PDE4B: variants seen among roughly 807,000 people sequenced by gnomAD.
PDE4B encodes the protein phosphodiesterase 4B, also known as 3',5'-cyclic-AMP phosphodiesterase 4B.
Under a neutral mutation model 82.2 loss-of-function variants are expected in PDE4B, and 20 were observed. That is an observed-to-expected ratio of 0.24 (90% CI 0.17 to 0.35). The LOEUF is 0.35. Ranked by LOEUF, PDE4B falls within the 10% of genes least tolerant of loss-of-function variation. PDE4B has a pLI of 1.00. For missense variants in PDE4B, 655 were observed against 907.2 expected (o/e 0.72, Z 3.57); for synonymous variants, 320 against 318.9 (o/e 1.00, Z -0.04).
rs61568266 is a variant in PDE4B at position 66,132,921 on chromosome 1, G to A, written c.282-114539G>A. On this transcript the variant is annotated intron_variant, in intron 3 of 16. Coordinates refer to ENST00000341517, the MANE Select transcript of PDE4B (RefSeq NM_002600.4). The stretch of plus-strand genomic sequence containing the variant: ...TTTAACAGGCTTTTTAGGACTAGGG[G>A]ACTCAGATAGAGCTCAGCAGTGGCA... Among the ~76,000 whole-genome samples the A allele has an allele frequency of 3.3e-3, 495 of 152,276 alleles. 1 individual carries two copies. The highest frequency in any genetic ancestry group is 0.012 in the African/African-American group (480 of 41,566).
At chr1:65,984,835 A>G (rs17128177) in intron 3 of PDE4B, among the ~76,000 whole-genome samples, 2,829 of 152,200 alleles carry the variant, frequency 0.019, 87 homozygotes, top group African/African-American at 0.065. Context: ...TTACATATCA[A>G]ATGTCTCAAG....
At chr1:65,916,463 G>A (rs1038817403) in intron 2 of PDE4B, among the ~76,000 whole-genome samples, 2 of 151,992 alleles carry the variant, frequency 1.3e-5, no homozygotes, top group African/African-American at 4.8e-5. Context: ...GGTGGTTGGC[G>A]GTTTAGCTAC....
intron 3 of PDE4B, among the ~76,000 whole-genome samples, chr1:66,014,822 AC>A (rs1205305779): frequency 1.3e-5 from 2 of 152,130 alleles, no homozygotes; most frequent in African/African-American, 4.8e-5. Flanking sequence ...GTTGCTAAAT[AC>A]CCTGCAATAA....
intron 7 of PDE4B, among the ~76,000 whole-genome samples, chr1:66,278,075 C>G (rs1226946339): frequency 1.3e-5 from 2 of 152,098 alleles, no homozygotes; most frequent in Non-Finnish European, 1.5e-5. Flanking sequence ...TTGTAACTGC[C>G]TATTTTCTTG....
chr1:66,093,234 A>C (rs945252704), intron 3 of PDE4B, among the ~76,000 whole-genome samples: 1 of 152,070 alleles, frequency 6.6e-6, no homozygotes, highest in African/African-American at 2.4e-5. Context: ...AGAGCAGGCA[A>C]AAAGCATGGT....
rs545389011 is a variant in PDE4B at position 66,018,900 on chromosome 1, T to C, written c.281+100065T>C. ...AGACTCTGACCTGAGGATAAAGTAC[T>C]ACAAGATATAATAACTACCATAATT... On this transcript the variant is annotated intron_variant, in intron 3 of 16. Coordinates refer to ENST00000341517, the MANE Select transcript of PDE4B (RefSeq NM_002600.4). Among the ~76,000 whole-genome samples, 20 of 122,538 alleles carry C rather than the reference T, an allele frequency of 1.6e-4. No homozygotes were observed. In the East Asian group the frequency reaches 4.6e-3, roughly 28 times the overall value. The allele number at this position is 122,538 out of a possible 152,430, so 80.4% of individuals were successfully genotyped here.
chr1:65,989,193 A>C (rs947654517), intron 3 of PDE4B, among the ~76,000 whole-genome samples: 1 of 152,124 alleles, frequency 6.6e-6, no homozygotes, highest in Non-Finnish European at 1.5e-5. Context: ...TGAATATCAG[A>C]AATTTCATTA....
chr1:66,255,848 G>A (rs539538779), intron 4 of PDE4B, among the ~76,000 whole-genome samples: 8 of 152,172 alleles, frequency 5.3e-5, no homozygotes, highest in African/African-American at 1.7e-4. Flanking sequence ...GATTTGATAT[G>A]TCAACTATGC....
intron 9 of PDE4B, among the ~76,000 whole-genome samples, chr1:66,358,371 A>ATAAATAAAATAAATAAAATAAATAAAAT: frequency 6.6e-6 from 1 of 152,334 alleles, no homozygotes; most frequent in South Asian, 2.1e-4. Context: ...TGTTGGAGCT[A>ATAAATAAAATAAATAAAATAAATAAAAT]AAAATAAAAT....
intron 3 of PDE4B, among the ~76,000 whole-genome samples, chr1:66,117,737 G>T (rs538520658): frequency 6.6e-6 from 1 of 152,222 alleles, no homozygotes; most frequent in East Asian, 1.9e-4. Flanking sequence ...GAATTTATCA[G>T]CCCATCTGAG....
At chr1:66,101,811 T>G (rs1381358501) in intron 3 of PDE4B, among the ~76,000 whole-genome samples, 1 of 152,182 alleles carries the variant, frequency 6.6e-6, no homozygotes, top group African/African-American at 2.4e-5. Flanking sequence ...TAGTTTCTTT[T>G]GCTGTGCAGA....
In PDE4B at chr1:66,033,482, A is replaced by G. The variant is rs6687763; in HGVS notation, c.281+114647A>G. ...TCTAGTTCTGAGACGGTGGCGCTTT[A>G]TTCACTACTAACTCCCAGGACCAGT... is the stretch of plus-strand genomic sequence containing the variant. On this transcript the variant is annotated intron_variant, in intron 3 of 16. Transcript: ENST00000341517. Among the ~76,000 whole-genome samples the G allele has an allele frequency of 2.0e-5, 3 of 152,034 alleles. No individual in the cohort carries two copies. The South Asian group carries it at 6.2e-4, about 32-fold the overall frequency.
At chr1:65,833,989 A>G (rs1269393379) in intron 1 of PDE4B, among the ~76,000 whole-genome samples, 1 of 152,124 alleles carries the variant, frequency 6.6e-6, no homozygotes, top group Non-Finnish European at 1.5e-5. Flanking sequence ...TTATATAATG[A>G]TGTGCTATAT....
At chr1:66,187,580 G>T (rs887844810) in intron 3 of PDE4B, among the ~76,000 whole-genome samples, 1 of 152,246 alleles carries the variant, frequency 6.6e-6, no homozygotes, top group African/African-American at 2.4e-5. Context: ...ATGTGTCGAA[G>T]AATTTATCCA....
intron 3 of PDE4B, among the ~76,000 whole-genome samples, chr1:66,127,989 A>G (rs495054): frequency 0.24 from 36,770 of 152,116 alleles, 5,770 homozygotes; most frequent in Middle Eastern, 0.37. Flanking sequence ...TTAGAATGCT[A>G]GATGTCTATA....
intron 3 of PDE4B, among the ~76,000 whole-genome samples, chr1:65,955,158 T>G (rs1649191226): frequency 6.6e-6 from 1 of 152,120 alleles, no homozygotes; most frequent in African/African-American, 2.4e-5. Context: ...GTAAATACTT[T>G]GTCTTTTCTT....
chr1:66,272,409 T>C (rs1419376689), intron 7 of PDE4B, among the ~76,000 whole-genome samples: 5 of 152,206 alleles, frequency 3.3e-5, no homozygotes, highest in African/African-American at 4.8e-5. Flanking sequence ...CTTCACTCCC[T>C]GGAGACCCCC....
chr1:65,857,474 C>T (rs1034026315), intron 1 of PDE4B, among the ~76,000 whole-genome samples: 4 of 152,036 alleles, frequency 2.6e-5, no homozygotes, highest in Admixed American at 2.6e-4. Flanking sequence ...TCAAAGGTGA[C>T]TTTAAATAAA....
intron 3 of PDE4B, among the ~76,000 whole-genome samples, chr1:66,017,839 T>C (rs4546893): frequency 6.8e-6 from 1 of 146,364 alleles, no homozygotes; most frequent in African/African-American, 2.5e-5. Context: ...TTTTAAAAAA[T>C]ATATATATAT....
Sources: allele counts gnomAD v4.1 joint callset (sites outside exome capture counted in the v4.1 genomes callset), GRCh38; gene constraint gnomAD v4.1.1; transcripts MANE v1.5; gene names NCBI Gene and HGNC (gene_info 2026-07-23, HGNC 2026-07-21).